Variants in MAN1A1 observed in about 807,000 individuals in gnomAD.
MAN1A1 encodes the protein mannosidase alpha class 1A member 1, also known as mannosyl-oligosaccharide 1,2-alpha-mannosidase IA.
A neutral mutation model predicts 70.8 loss-of-function variants in MAN1A1; 29 were observed. That is an observed-to-expected ratio of 0.41 (90% CI 0.31 to 0.56). MAN1A1 has a LOEUF of 0.56. MAN1A1 is among the 20% of genes least tolerant of loss of function. MAN1A1 has a pLI of 0.29. For missense variants in MAN1A1, 747 were observed against 841.3 expected (o/e 0.89, Z 1.39); for synonymous variants, 349 against 330.1 (o/e 1.06, Z -0.62).
intron 5 of MAN1A1, among the ~76,000 whole-genome samples, chr6:119,267,136 G>A (rs928772640): frequency 6.6e-6 from 1 of 152,192 alleles, no homozygotes; most frequent in Admixed American, 6.5e-5. Context: ...TTCATTTCAG[G>A]TGGAAATGCA....
chr6:119,336,949 A>G (rs1773467138), intron 2 of MAN1A1, among the ~76,000 whole-genome samples: 2 of 152,320 alleles, frequency 1.3e-5, no homozygotes, highest in Admixed American at 1.3e-4. Flanking sequence ...TAAAAATAAC[A>G]TATCTAAAAA....
intron 5 of MAN1A1, among the ~76,000 whole-genome samples, chr6:119,280,651 T>C (rs1776204812): frequency 2.0e-5 from 3 of 152,254 alleles, no homozygotes; most frequent in African/African-American, 7.2e-5. Flanking sequence ...GATCACAATT[T>C]GAAAGAAAAA....
chr6:119,284,001 A>G (rs1776289184), intron 5 of MAN1A1, among the ~76,000 whole-genome samples: 1 of 152,160 alleles, frequency 6.6e-6, no homozygotes, highest in Non-Finnish European at 1.5e-5. Context: ...CTGTCATTCC[A>G]ATAACAAAAC....
chr6:119,302,019 G>C lies in MAN1A1; in HGVS notation c.785C>G (p.Ser262Ter). 1 of 1,602,054 alleles carries C rather than the reference G, an allele frequency of 6.2e-7. No homozygotes were observed. The change falls in exon 4 of 13, where the codon TCA becomes TGA. Residue 262 changes from serine (S) to a stop codon, truncating the protein, a stop_gained. Transcript: ENST00000368468. LOFTEE classifies it high-confidence loss of function. ...AAAATCTAAATTTTCTTCAACCCAT[G>C]ATTTTGCTTCTTCAAATTCATGTTT... ...EMKHEFEEAK[S>*]WVEENLDFNV...
At chr6:119,213,377 A>G (rs1349884051) in intron 6 of MAN1A1, among the ~76,000 whole-genome samples, 1 of 152,230 alleles carries the variant, frequency 6.6e-6, no homozygotes, top group African/African-American at 2.4e-5. Context: ...GTGTTATGAA[A>G]CACTTTGGCA....
intron 6 of MAN1A1, among the ~76,000 whole-genome samples, chr6:119,224,599 A>T (rs1002584552): frequency 3.3e-5 from 5 of 152,202 alleles, no homozygotes; most frequent in African/African-American, 1.2e-4. Context: ...AAGCTACTTA[A>T]CATATCTAAA....
chr6:119,271,742 G>A (rs1220240126), intron 5 of MAN1A1, among the ~76,000 whole-genome samples: 1 of 152,052 alleles, frequency 6.6e-6, no homozygotes, highest in Admixed American at 6.6e-5. Context: ...GACCTCAGGT[G>A]ATCTGCCTGC....
intron 5 of MAN1A1, among the ~76,000 whole-genome samples, chr6:119,258,039 A>G (rs972785216): frequency 2.0e-5 from 3 of 152,178 alleles, no homozygotes; most frequent in Non-Finnish European, 4.4e-5. Context: ...CATATTTTAA[A>G]AAATATAATG....
intron 5 of MAN1A1, among the ~76,000 whole-genome samples, chr6:119,277,475 A>T (rs1269445817): frequency 1.3e-5 from 2 of 152,146 alleles, no homozygotes; most frequent in Non-Finnish European, 1.5e-5. Context: ...ACAAAAACAA[A>T]TTTTTTTATG....
rs772437921 is a variant in MAN1A1, at chr6:119,178,989, T to C, written c.*830A>G. 5.3e-5 allele frequency: 8 copies of C among 152,142 alleles called. No individual in the cohort carries two copies. Among genetic ancestry groups the C allele is most frequent in the Non-Finnish European group, 8.8e-5 (6 of 67,982 alleles). 9.4% of individuals were successfully genotyped at this position (152,142 alleles called of 1,614,324 possible). A position where few individuals can be genotyped will look rare whatever the true frequency, so the allele number is the denominator to read the frequency against. ...TCAGTTAAACCCAAAAGCTAATCCA[T>C]TAAGTTGTACTATTTTCTTCAGATA... is the stretch of plus-strand genomic sequence containing the variant. On this transcript the variant is annotated 3_prime_UTR_variant, in exon 13 of 13. Transcript: ENST00000368468.
intron 5 of MAN1A1, among the ~76,000 whole-genome samples, chr6:119,284,350 G>A (rs1030982045): frequency 3.3e-5 from 5 of 152,056 alleles, no homozygotes; most frequent in African/African-American, 7.3e-5. Flanking sequence ...ATGCCTAGAA[G>A]GGTCTTCCTG....
rs1413147157 is a variant in MAN1A1 at position 119,246,610 on chromosome 6, A to G, written c.992+1650T>C. Among the ~76,000 whole-genome samples the G allele has an allele frequency of 2.0e-5, 3 of 152,288 alleles. No individual in the cohort carries two copies. The East Asian group carries it at 5.8e-4, about 29-fold the overall frequency. ...ATTAGTTTAGTGTACTACTATGCCC[A>G]TAACACTTTTCTCAGTAGGGAAAAA... is the stretch of plus-strand genomic sequence containing the variant. On this transcript the variant is annotated intron_variant, in intron 6 of 12. Coordinates refer to ENST00000368468, the MANE Select transcript of MAN1A1 (RefSeq NM_005907.4).
At chr6:119,329,988 C>A (rs2114491154) in intron 2 of MAN1A1, among the ~76,000 whole-genome samples, 1 of 152,292 alleles carries the variant, frequency 6.6e-6, no homozygotes, top group East Asian at 1.9e-4. Context: ...TCTAAAAATG[C>A]TCCAGAGTGC....
chr6:119,320,621 C>T (rs891202144), intron 2 of MAN1A1, among the ~76,000 whole-genome samples: 5 of 149,728 alleles, frequency 3.3e-5, no homozygotes, highest in South Asian at 2.1e-4. Context: ...AAGGCACAAA[C>T]GGTTAAAAAC....
chr6:119,315,339 C>A (rs1015080702), intron 2 of MAN1A1, among the ~76,000 whole-genome samples: 5 of 152,046 alleles, frequency 3.3e-5, no homozygotes, highest in African/African-American at 9.7e-5. Context: ...TTAGCAATAG[C>A]AATTTCTTTA....
intron 2 of MAN1A1, among the ~76,000 whole-genome samples, chr6:119,338,069 TA>T (rs61463278): frequency 0.013 from 1,840 of 139,690 alleles, 38 homozygotes; most frequent in African/African-American, 0.042. Context: ...GCTAGTTGAC[TA>T]AAAAAAAAAA....
At chr6:119,302,145 G>A (rs1280846937) in intron 3 of MAN1A1, 42 bp from the exon 4 acceptor site, 4 of 953,652 alleles carry the variant, frequency 4.2e-6, no homozygotes, top group East Asian at 4.9e-5. Context: ...ACTTTGCCTA[G>A]ATAAAATATA....
intron 5 of MAN1A1, among the ~76,000 whole-genome samples, chr6:119,256,768 C>A (rs960688166): frequency 6.6e-6 from 1 of 152,036 alleles, no homozygotes; most frequent in Non-Finnish European, 1.5e-5. Context: ...TGGGAACACT[C>A]GATAAGACAC....
At chr6:119,180,856 T>G (rs1269887812) in intron 11 of MAN1A1, among the ~76,000 whole-genome samples, 2 of 152,022 alleles carry the variant, frequency 1.3e-5, no homozygotes, top group African/African-American at 2.4e-5. Context: ...AAATGAAAGT[T>G]TGTTATAGAG....
Sources: allele counts gnomAD v4.1 joint callset (sites outside exome capture counted in the v4.1 genomes callset), GRCh38; gene constraint gnomAD v4.1.1; transcripts MANE v1.5; gene names NCBI Gene and HGNC (gene_info 2026-07-23, HGNC 2026-07-21).